The following KLC3 variants were observed in gnomAD, a reference collection of about 807,000 sequenced individuals.
The protein encoded by KLC3 is kinesin light chain 3.
KLC3 carries 72 observed loss-of-function variants against 62.9 expected under a neutral mutation model. That is an observed-to-expected ratio of 1.15 (90% CI 0.95 to 1.39). KLC3 has a LOEUF of 1.39. Among genes scored for constraint, KLC3 ranks in the 40% most tolerant of loss-of-function variants. The pLI, the probability that KLC3 is intolerant of heterozygous loss-of-function variation, is 0.00. For missense variants in KLC3, 848 were observed against 691.6 expected (o/e 1.23, Z -2.54); for synonymous variants, 377 against 300.5 (o/e 1.25, Z -2.63).
Position 45,350,974 on chromosome 19 carries a change from T to G in KLC3, c.1400T>G (p.Leu467Arg), listed in dbSNP as rs1051922107. 3 of 1,613,984 alleles carry G rather than the reference T, an allele frequency of 1.9e-6. No homozygotes were observed. The highest frequency in any genetic ancestry group is 2.5e-6 in the Non-Finnish European group (3 of 1,179,984). The change falls in exon 12 of 13, where the codon CTC becomes CGC. Residue 467 changes from leucine (L) to arginine (R), a missense_variant. Physicochemically the swap from Leu to Arg is moderately radical, Grantham distance 102. Transcript: ENST00000391946. ...GAAGMKRAMS[L>R]NTLNVDAPRA... is the part of the protein sequence containing the mutation. ...TGCAGAATGAAGAGAGCCATGTCACTCAACACACTGAACGTGGATGCTCCA... is the reference window on the plus strand; with the variant it reads ...TGCAGAATGAAGAGAGCCATGTCACGCAACACACTGAACGTGGATGCTCCA...
rs774528812 is a variant in KLC3, at chr19:45,346,676, C to A, written c.391C>A (p.Arg131=). The A allele has an allele frequency of 6.4e-7, 1 of 1,559,446 alleles. No homozygotes were observed. Among genetic ancestry groups the A allele is most frequent in the Admixed American group, 1.9e-5 (1 of 51,440 alleles). Residue 131 remains arginine (R), a synonymous_variant, in exon 3 of 13, where the codon CGG becomes AGG. Transcript: ENST00000391946. ...ACTGGAGGAGACGCAGCGGCGGCTTCGGGCCAGCGAGGAGTCCGTGGCCCA... is the reference window on the plus strand; with the variant it reads ...ACTGGAGGAGACGCAGCGGCGGCTTAGGGCCAGCGAGGAGTCCGTGGCCCA... ...EELEETQRRL[R]ASEESVAQLE...
intron 3 of KLC3, 84 bp downstream of exon 3, chr19:45,346,858 T>TCCCCAAGATCCTCCTTAGAATCCCACAGC (rs1568522763): frequency 8.0e-7 from 1 of 1,256,054 alleles, no homozygotes; most frequent in African/African-American, 1.5e-5. Flanking sequence ...AATCCCACAG[T>TCCCCAAGATCCTCCTTAGAATCCCACAGC]CCCCAAGATC....
chr19:45,347,469 G>A lies in KLC3; in HGVS notation c.512G>A (p.Arg171Gln), dbSNP rs769279829. Reference sequence around the variant, plus strand: ...CAGCAGTCTGAGTCCCCGCCTCGCCGAGACAGCCTGGCCTCCCTGTTCCCC... The same window carrying A: ...CAGCAGTCTGAGTCCCCGCCTCGCCAAGACAGCCTGGCCTCCCTGTTCCCC... ...ESQQSESPPRRDSLASLFPSE... is the reference protein window; with the variant it reads ...ESQQSESPPRQDSLASLFPSE... The change falls in exon 4 of 13, where the codon CGA becomes CAA. Residue 171 changes from arginine (R) to glutamine (Q), a missense_variant. Transcript: ENST00000391946. 1.1e-5 allele frequency: 18 copies of A among 1,611,832 alleles called. No individual in the cohort carries two copies. In the East Asian group the frequency reaches 2.0e-4, roughly 18 times the overall value.
chr19:45,351,145 G>A, intron 12 of KLC3, 128 bp downstream of exon 12: 1 of 1,596,860 alleles, frequency 6.3e-7, no homozygotes, highest in Non-Finnish European at 8.5e-7. Flanking sequence ...AGAGACCCAG[G>A]ACAGGAGCAA....
At chr19:45,349,993 A>G (rs1410774997) in intron 8 of KLC3, 1 of 429,234 alleles carries the variant, frequency 2.3e-6, no homozygotes, top group African/African-American at 2.0e-5. Flanking sequence ...CACCAGCCCA[A>G]AGTACAGCAG....
At chr19:45,346,867 T>C (rs1423170518) in intron 3 of KLC3, 93 bp downstream of exon 3, 8 of 1,210,986 alleles carry the variant, frequency 6.6e-6, no homozygotes, top group South Asian at 2.8e-5. Flanking sequence ...GTCCCCAAGA[T>C]CCTCCTTAGA....
Position 45,348,061 on chromosome 19 carries a change from T to G in KLC3, c.680T>G (p.Val227Gly). 6.2e-7 allele frequency: 1 copy of G among 1,602,770 alleles called. No individual in the cohort carries two copies. Among genetic ancestry groups the G allele is most frequent in the Non-Finnish European group, 8.5e-7 (1 of 1,174,968 alleles). The change falls in exon 5 of 13, where the codon GTG (valine) becomes GGG (glycine). Residue 227 changes from valine to glycine, a missense_variant. Val to Gly is a moderately radical substitution (Grantham distance 109, BLOSUM62 -3). Transcript: ENST00000391946. ...GGGCAGGGCCGCTATGAGGTGGCGG[T>G]GCCTCTGTGCCGCCAGGCCTTGGAG... The part of the protein sequence containing the change: ...YAGQGRYEVA[V>G]PLCRQALEDL...
chr19:45,347,857 C>T (rs1221192063), intron 4 of KLC3, 84 bp from the exon 5 acceptor site: 2 of 1,158,398 alleles, frequency 1.7e-6, no homozygotes, highest in Admixed American at 4.3e-5. Flanking sequence ...GGCAGTCCGG[C>T]AGTTCTGAGG....
At chr19:45,346,340 C>T (rs570841043) in intron 2 of KLC3, among the ~76,000 whole-genome samples, 1 of 152,200 alleles carries the variant, frequency 6.6e-6, no homozygotes, top group South Asian at 2.1e-4. Flanking sequence ...AACTGTGGGT[C>T]CTAGGGCAAG....
At position 45,350,766 on chromosome 19, in the gene KLC3, G is replaced by A. The variant is rs367981132; in HGVS notation, c.1379+19G>A. ...CAGCCGGGTGAGTGTTGATCAGGTC[G>A]GCAAAGAGCCCTGACATCAGCAGAA... On this transcript the variant is annotated intron_variant, in intron 11 of 12. Transcript: ENST00000391946. The A allele has an allele frequency of 3.1e-4, 495 of 1,596,416 alleles. No individual in the cohort carries two copies. Among genetic ancestry groups the A allele is most frequent in the Non-Finnish European group, 3.7e-4 (428 of 1,170,860 alleles).
chr19:45,341,549 C>G (rs1311941983), intron 1 of KLC3, among the ~76,000 whole-genome samples: 1 of 126,322 alleles, frequency 7.9e-6, no homozygotes, highest in African/African-American at 2.9e-5. Flanking sequence ...GTCTTTCTGC[C>G]TGTTGGTGTG....
rs1162810845 is a variant in KLC3 at position 45,346,632 on chromosome 19, A to G, written c.347A>G (p.Asn116Ser). 1.3e-6 allele frequency: 2 copies of G among 1,553,616 alleles called. No homozygotes were observed. The highest frequency in any genetic ancestry group is 3.9e-5 in the Admixed American group (2 of 51,190). ...RSQARRLAQE[N>S]VWLREELEET... Reference sequence around the variant, plus strand: ...CAGGCCCGGCGGCTGGCCCAGGAGAACGTGTGGCTGCGGGAGGAACTGGAG... The same window carrying G: ...CAGGCCCGGCGGCTGGCCCAGGAGAGCGTGTGGCTGCGGGAGGAACTGGAG... The change falls in exon 3 of 13, where the codon AAC (asparagine) becomes AGC (serine). Residue 116 changes from asparagine to serine, a missense_variant. Transcript: ENST00000391946.
At position 45,351,486 on chromosome 19, in the gene KLC3, C is replaced by A; in HGVS notation, c.*129C>A. The A allele has an allele frequency of 6.3e-7, 1 of 1,589,384 alleles. No homozygotes were observed. Among genetic ancestry groups the A allele is most frequent in the Non-Finnish European group, 8.5e-7 (1 of 1,172,190 alleles). Reference sequence around the variant, plus strand: ...TGGGTACCTGGTGGATAGCTGCCTTCTCCTGCGATTAAAGGCTGTGGACGT... The same window carrying A: ...TGGGTACCTGGTGGATAGCTGCCTTATCCTGCGATTAAAGGCTGTGGACGT... On this transcript the variant is annotated 3_prime_UTR_variant, in exon 13 of 13. Transcript: ENST00000391946.
Position 45,350,720 on chromosome 19 carries a change from G to A in KLC3, c.1352G>A (p.Arg451Gln), listed in dbSNP as rs199586485. Reference sequence around the variant, plus strand: ...AGTGAGAAGCTGGTCTCCCGGCTCCGAGGCGAGGCGGCGGCAGGAGCAGCC... The same window carrying A: ...AGTGAGAAGCTGGTCTCCCGGCTCCAAGGCGAGGCGGCGGCAGGAGCAGCC... ...RGSEKLVSRL[R>Q]GEAAAGAAGM... Residue 451 changes from arginine to glutamine, a missense_variant, in exon 11 of 13, where the codon CGA becomes CAA. Transcript: ENST00000391946. The A allele has an allele frequency of 5.3e-5, 85 of 1,612,974 alleles. No homozygotes were observed. The highest frequency in any genetic ancestry group is 2.0e-4 in the African/African-American group (15 of 74,860).
chr19:45,350,562 G>C lies in KLC3; in HGVS notation c.1272+11G>C. The C allele has an allele frequency of 6.2e-7, 1 of 1,614,000 alleles. No homozygotes were observed. The highest frequency in any genetic ancestry group is 8.5e-7 in the Non-Finnish European group (1 of 1,179,984). On this transcript the variant is annotated intron_variant, in intron 10 of 12. Transcript: ENST00000391946. ...GGTGACGCAGAACAGGTGAGGATGG[G>C]CTGTGCTTCGGCTCCTGGGGTGGGC...
At chr19:45,348,758 A>C in intron 6 of KLC3, 25 bp downstream of exon 6, 3 of 1,565,978 alleles carry the variant, frequency 1.9e-6, no homozygotes, top group Non-Finnish European at 2.6e-6. Flanking sequence ...AGGGAGACGA[A>C]GTGGGGTCAA....
Position 45,348,133 on chromosome 19 carries a change from T to C in KLC3, c.752T>C (p.Met251Thr). 6.3e-7 allele frequency: 1 copy of C among 1,598,582 alleles called. No individual in the cohort carries two copies. The highest frequency in any genetic ancestry group is 8.5e-7 in the Non-Finnish European group (1 of 1,172,180). Residue 251 changes from methionine (M) to threonine (T), a missense_variant, in exon 5 of 13, where the codon ATG becomes ACG. Transcript: ENST00000391946. ...CACTGCCACCCTGACGTGGCCACCA[T>C]GCTCAACATCCTGGCGCTGGTGTAC... is the stretch of plus-strand genomic sequence containing the variant. ...SGHCHPDVATMLNILALVYRD... is the reference protein window; with the variant it reads ...SGHCHPDVATTLNILALVYRD...
intron 1 of KLC3, chr19:45,344,995 C>T (rs996500273): frequency 5.2e-5 from 8 of 152,966 alleles, no homozygotes; most frequent in African/African-American, 1.9e-4. Context: ...TCGGCCCTCT[C>T]CTCCCACCCC....
intron 11 of KLC3, 85 bp from the exon 12 acceptor site, chr19:45,350,869 G>A: frequency 1.5e-6 from 2 of 1,362,956 alleles, no homozygotes; most frequent in Non-Finnish European, 1.0e-6. Context: ...GATACACACA[G>A]ATCAAACCCT....
Sources: gnomAD v4.1 joint callset for allele counts (sites outside exome capture counted in the v4.1 genomes callset) on GRCh38, gnomAD v4.1.1 for gene constraint, MANE v1.5 for transcripts, NCBI Gene and HGNC (gene_info 2026-07-23, HGNC 2026-07-21) for gene names.